NRDC: variants seen among roughly 807,000 people sequenced by gnomAD.
NRDC encodes the protein nardilysin.
NRDC carries 54 observed loss-of-function variants against 147.1 expected under a neutral mutation model. That is an observed-to-expected ratio of 0.37 (90% CI 0.29 to 0.46). The LOEUF (loss-of-function observed/expected upper bound fraction) is 0.46. Ranked by LOEUF, NRDC falls within the 20% of genes least tolerant of loss-of-function variation. The pLI, the probability that NRDC is intolerant of heterozygous loss-of-function variation, is 1.00. For missense variants in NRDC, 1,082 were observed against 1,370.6 expected (o/e 0.79, Z 3.33); for synonymous variants, 440 against 482.1 (o/e 0.91, Z 1.14).
chr1:51,842,822 T>C (rs995896793), intron 1 of NRDC, among the ~76,000 whole-genome samples: 1 of 152,016 alleles, frequency 6.6e-6, no homozygotes, highest in Non-Finnish European at 1.5e-5. Flanking sequence ...TCCCCGCACT[T>C]TGGGAAGCCG....
At chr1:51,846,112 T>C (rs766204988) in intron 1 of NRDC, among the ~76,000 whole-genome samples, 3 of 150,034 alleles carry the variant, frequency 2.0e-5, no homozygotes, top group South Asian at 2.1e-4. Context: ...TTTTACACTT[T>C]ATAATTTTTT....
chr1:51,803,707 C>T, intron 20 of NRDC, 107 bp downstream of exon 20: 1 of 829,384 alleles, frequency 1.2e-6, no homozygotes. Flanking sequence ...CAAGATAATC[C>T]ACATTAATAA....
intron 1 of NRDC, among the ~76,000 whole-genome samples, chr1:51,846,708 C>T (rs926109040): frequency 6.6e-6 from 1 of 152,210 alleles, no homozygotes; most frequent in Non-Finnish European, 1.5e-5. Context: ...CAAGATTTAT[C>T]GCCAACAGCG....
intron 1 of NRDC, among the ~76,000 whole-genome samples, chr1:51,842,476 T>C (rs560015818): frequency 6.6e-6 from 1 of 152,254 alleles, no homozygotes; most frequent in East Asian, 1.9e-4. Context: ...ATAAGCTCAA[T>C]TATGTAAACT....
chr1:51,878,127 A>T (rs1314894963), intron 1 of NRDC, 148 bp downstream of exon 1: 2 of 1,419,114 alleles, frequency 1.4e-6, no homozygotes, highest in Non-Finnish European at 1.8e-6. Flanking sequence ...GCCTCTAATC[A>T]CGCTTGCCAC....
intron 1 of NRDC, among the ~76,000 whole-genome samples, chr1:51,870,202 T>C (rs1422223587): frequency 6.6e-6 from 1 of 152,238 alleles, no homozygotes; most frequent in Admixed American, 6.5e-5. Context: ...AAAACAGACA[T>C]GATCTCCGTA....
rs778552393 is a variant in NRDC, at chr1:51,878,501, A to T, written c.115T>A (p.Ser39Thr). 3.1e-6 allele frequency: 5 copies of T among 1,613,792 alleles called. No homozygotes were observed. The Admixed American group carries it at 8.3e-5, about 27-fold the overall frequency. ...GIETRGRCEDSAAARPFPILA... is the reference protein window; with the variant it reads ...GIETRGRCEDTAAARPFPILA... ...ATAGGAAAGGGTCTGGCAGCAGCAG[A>T]GTCTTCGCACCGACCCCGCGTTTCG... The change falls in exon 1 of 31, where the codon TCT becomes ACT. Residue 39 changes from serine to threonine, a missense_variant. Ser to Thr is a moderately conservative substitution (Grantham distance 58, BLOSUM62 1). Transcript: ENST00000352171.
chr1:51,859,105 G>A (rs945387379), intron 1 of NRDC, among the ~76,000 whole-genome samples: 9 of 152,098 alleles, frequency 5.9e-5, no homozygotes, highest in African/African-American at 2.2e-4. Flanking sequence ...CATTAGAAAT[G>A]CAAATTTAAG....
intron 1 of NRDC, among the ~76,000 whole-genome samples, chr1:51,845,605 A>T (rs185838048): frequency 5.5e-4 from 83 of 152,122 alleles, no homozygotes; most frequent in African/African-American, 1.7e-3. Flanking sequence ...AAAAAAGAAA[A>T]GAAAAGAAAA....
chr1:51,828,252 A>G (rs1257651552), intron 4 of NRDC, among the ~76,000 whole-genome samples: 1 of 152,216 alleles, frequency 6.6e-6, no homozygotes, highest in Non-Finnish European at 1.5e-5. Context: ...TATTACCTAT[A>G]TACCTATTTC....
At chr1:51,791,441 C>G (rs1678649525) in intron 27 of NRDC, 137 bp downstream of exon 27, 1 of 701,170 alleles carries the variant, frequency 1.4e-6, no homozygotes, top group South Asian at 1.6e-5. Context: ...TATAACAACC[C>G]CCATCTTCCC....
chr1:51,799,346 A>G (rs1320172090), intron 21 of NRDC, among the ~76,000 whole-genome samples: 1 of 145,106 alleles, frequency 6.9e-6, no homozygotes, highest in African/African-American at 2.6e-5. Flanking sequence ...TCCCTCCCCC[A>G]GCACCCCCAC....
chr1:51,833,765 T>C (rs943878763), intron 4 of NRDC, among the ~76,000 whole-genome samples: 1 of 152,100 alleles, frequency 6.6e-6, no homozygotes, highest in African/African-American at 2.4e-5. Context: ...CTCACCATCA[T>C]GCTTGGCTAA....
intron 1 of NRDC, among the ~76,000 whole-genome samples, chr1:51,867,214 C>T (rs79610970): frequency 0.01 from 1,540 of 152,180 alleles, 27 homozygotes; most frequent in African/African-American, 0.036. Context: ...AAAAGTATAT[C>T]CTTATGTAAC....
In NRDC at chr1:51,791,010, A is replaced by ATCAGAACTGAAACAAAACATCTTCAG; in HGVS notation, c.2961-21_2961-20insCTGAAGATGTTTTGTTTCAGTTCTGA. 8 of 1,547,568 alleles carry ATCAGAACTGAAACAAAACATCTTCAG rather than the reference A, an allele frequency of 5.2e-6. No individual in the cohort carries two copies. The highest frequency in any genetic ancestry group is 7.1e-6 in the Non-Finnish European group (8 of 1,121,682). On this transcript the variant is annotated intron_variant, in intron 27 of 30. Transcript: ENST00000352171. ...TCAGAACTGAAACAAAACATCTTCAATCAGAACTAAAACAAAACATCTTCA... is the reference window on the plus strand; with the variant it reads ...TCAGAACTGAAACAAAACATCTTCAATCAGAACTGAAACAAAACATCTTCAGTCAGAACTAAAACAAAACATCTTCA...
At position 51,791,479 on chromosome 1, in the gene NRDC, C is replaced by G. The variant is rs1678651168; in HGVS notation, c.2960+99G>C. The G allele has an allele frequency of 8.6e-6, 8 of 931,934 alleles. No individual in the cohort carries two copies. In the Admixed American group the frequency reaches 1.2e-4, roughly 15 times the overall value. 57.7% of individuals were successfully genotyped at this position (931,934 alleles called of 1,614,324 possible). On this transcript the variant is annotated intron_variant, in intron 27 of 30. Coordinates refer to ENST00000352171, the MANE Select transcript of NRDC (RefSeq NM_001101662.2). ...CTTCCACTGACTAAATAGAGCAAAC[C>G]TGCTTGGTCAGGGTTGCCCAAGGTT...
intron 22 of NRDC, among the ~76,000 whole-genome samples, chr1:51,796,622 C>G (rs1403385816): frequency 1.3e-5 from 2 of 148,762 alleles, no homozygotes; most frequent in Non-Finnish European, 3.0e-5. Flanking sequence ...GAGTCTCACT[C>G]TGTCGCCCAG....
At chr1:51,837,062 G>A (rs926014471) in intron 2 of NRDC, among the ~76,000 whole-genome samples, 8 of 151,354 alleles carry the variant, frequency 5.3e-5, no homozygotes, top group South Asian at 2.1e-4. Flanking sequence ...GATTATAGGC[G>A]TGAGCCACTG....
intron 1 of NRDC, among the ~76,000 whole-genome samples, chr1:51,846,066 T>C (rs760411351): frequency 1.3e-5 from 2 of 151,920 alleles, no homozygotes; most frequent in African/African-American, 4.8e-5. Flanking sequence ...AATGTATATA[T>C]CTGGGGAAAG....
Sources: allele counts gnomAD v4.1 joint callset (sites outside exome capture counted in the v4.1 genomes callset), GRCh38; gene constraint gnomAD v4.1.1; transcripts MANE v1.5; gene names NCBI Gene and HGNC (gene_info 2026-07-23, HGNC 2026-07-21).